The following SDK2 variants were observed in gnomAD, a reference collection of about 807,000 sequenced individuals.
SDK2 encodes the protein protein sidekick-2.
A neutral mutation model predicts 253.9 loss-of-function variants in SDK2; 105 were observed. The ratio of observed to expected loss-of-function variants is 0.41; its 90% confidence interval spans 0.35 to 0.49. The LOEUF is 0.49. Among genes scored for constraint, SDK2 ranks in the 20% least tolerant of loss-of-function variants. The pLI, the probability that SDK2 is intolerant of heterozygous loss-of-function variation, is 0.06. For missense variants in SDK2, 2,608 were observed against 3,003.0 expected (o/e 0.87, Z 3.07); for synonymous variants, 1,249 against 1,234.9 (o/e 1.01, Z -0.24).
At chr17:73,444,102 C>A (rs1263581752) in intron 5 of SDK2, among the ~76,000 whole-genome samples, 1 of 152,200 alleles carries the variant, frequency 6.6e-6, no homozygotes, top group Admixed American at 6.5e-5. Context: ...CAATAAATGA[C>A]AGCCTCCCCT....
At chr17:73,452,138 C>T (rs77720099) in intron 4 of SDK2, among the ~76,000 whole-genome samples, 88 of 152,244 alleles carry the variant, frequency 5.8e-4, no homozygotes, top group African/African-American at 2.0e-3. Flanking sequence ...GTCCAAAGCC[C>T]CCAGCATGCA....
intron 38 of SDK2, among the ~76,000 whole-genome samples, chr17:73,362,128 C>T (rs1014004041): frequency 1.3e-5 from 2 of 152,144 alleles, no homozygotes; most frequent in African/African-American, 2.4e-5. Flanking sequence ...GCCACAGGGT[C>T]CATCATCAGC....
intron 1 of SDK2, among the ~76,000 whole-genome samples, chr17:73,624,626 T>A (rs903357277): frequency 6.6e-6 from 1 of 152,236 alleles, no homozygotes; most frequent in African/African-American, 2.4e-5. Flanking sequence ...CTGGGGAATC[T>A]TAAAATGCAG....
At chr17:73,583,463 T>C (rs1418780032) in intron 1 of SDK2, among the ~76,000 whole-genome samples, 1 of 152,110 alleles carries the variant, frequency 6.6e-6, no homozygotes, top group African/African-American at 2.4e-5. Context: ...ATCCCATCTC[T>C]ATTCTAAGGC....
At position 73,352,661 on chromosome 17, in the gene SDK2, C is replaced by G. The variant is rs2062549744; in HGVS notation, c.5594-24G>C. On this transcript the variant is annotated intron_variant, in intron 40 of 44. Transcript: ENST00000392650. This position sits in a 1 kb window ranked among gnomAD's most constrained non-coding sequence, Gnocchi z 4.1. ...GTCTGCAGGAGCACAGAGATGGAGG[C>G]CCTGGGAGGTGAGGGGAAGCCCCAA... is the stretch of plus-strand genomic sequence containing the variant. The G allele has an allele frequency of 1.2e-6, 2 of 1,610,660 alleles. No individual in the cohort carries two copies. The highest frequency in any genetic ancestry group is 1.3e-5 in the African/African-American group (1 of 74,874).
intron 38 of SDK2, among the ~76,000 whole-genome samples, chr17:73,363,753 T>G (rs1736269643): frequency 1.3e-5 from 2 of 152,110 alleles, no homozygotes; most frequent in Admixed American, 6.5e-5. Context: ...CATCCTCAAG[T>G]TGAGAGGGTC....
chr17:73,502,775 G>A (rs1382160041), intron 2 of SDK2, among the ~76,000 whole-genome samples: 3 of 152,238 alleles, frequency 2.0e-5, no homozygotes, highest in Non-Finnish European at 2.9e-5. Context: ...CTGGGTGGGA[G>A]AGTCGTGGGA....
chr17:73,536,919 C>T (rs182738784), intron 1 of SDK2, among the ~76,000 whole-genome samples: 64 of 152,310 alleles, frequency 4.2e-4, no homozygotes, highest in African/African-American at 1.4e-3. Context: ...ATCTCTGTCC[C>T]TGCACTTTAC....
intron 1 of SDK2, among the ~76,000 whole-genome samples, chr17:73,559,598 G>GGCCC (rs2045197420): frequency 3.3e-5 from 4 of 122,176 alleles, no homozygotes; most frequent in East Asian, 2.2e-4. Flanking sequence ...CGCTCCCTGT[G>GGCCC]CCCCCCGCCC....
At chr17:73,378,581 G>A (rs1008134392) in intron 36 of SDK2, among the ~76,000 whole-genome samples, 17 of 151,754 alleles carry the variant, frequency 1.1e-4, no homozygotes, top group African/African-American at 3.9e-4. Flanking sequence ...CACCATGCCC[G>A]GCTAATTTTT....
intron 1 of SDK2, among the ~76,000 whole-genome samples, chr17:73,552,312 T>C (rs2045074036): frequency 6.6e-6 from 1 of 152,272 alleles, no homozygotes; most frequent in African/African-American, 2.4e-5. Flanking sequence ...AATTGTCTTA[T>C]TCATAAAATG....
intron 1 of SDK2, among the ~76,000 whole-genome samples, chr17:73,638,736 G>C (rs1405986419): frequency 6.6e-6 from 1 of 151,878 alleles, no homozygotes; most frequent in African/African-American, 2.4e-5. Context: ...CATTTACAAA[G>C]GGCATTTTCA....
chr17:73,395,210 G>A lies in SDK2; in HGVS notation c.3537C>T (p.Asn1179=), dbSNP rs759586319. 131 of 1,611,968 alleles carry A rather than the reference G, an allele frequency of 8.1e-5. No homozygotes were observed. In the Middle Eastern group the frequency reaches 2.5e-3, roughly 31 times the overall value. ...TEYRVQVQAF[N]AIGSGPWSQT... ...GGCTCCAGGGCCCGCTCCCGATGGC[G>A]TTGAAGGCCTGGACCTGGACGCGGT... The change falls in exon 25 of 45, where the codon AAC becomes AAT. Residue 1179 remains asparagine (N), a synonymous_variant. Transcript: ENST00000392650. This position sits in a 1 kb window ranked among gnomAD's most constrained non-coding sequence, Gnocchi z 4.3.
At chr17:73,399,053 C>G (rs1302121259) in intron 22 of SDK2, 115 bp downstream of exon 22, 1 of 989,066 alleles carries the variant, frequency 1.0e-6, no homozygotes, top group African/African-American at 1.6e-5. Flanking sequence ...GTATAATGGG[C>G]CATTGAGAGC....
In SDK2 at chr17:73,435,691, C is replaced by G. The variant is rs577510214; in HGVS notation, c.1001-47G>C. The G allele has an allele frequency of 2.0e-6, 3 of 1,487,030 alleles. No homozygotes were observed. Among genetic ancestry groups the G allele is most frequent in the Non-Finnish European group, 2.7e-6 (3 of 1,108,414 alleles). 92.1% of individuals were successfully genotyped at this position (1,487,030 alleles called of 1,614,324 possible). A position where few individuals can be genotyped will look rare whatever the true frequency, so the allele number is the denominator to read the frequency against. On this transcript the variant is annotated intron_variant, in intron 8 of 44. Coordinates refer to ENST00000392650, the MANE Select transcript of SDK2 (RefSeq NM_001144952.2). The surrounding 1 kb of genome is among the most constrained non-coding windows in gnomAD (Gnocchi z 5.7). ...ACCGTCAACCTGCCTCCTGCCTCCT[C>G]TCCGCCTAGGAGGGGTGCTTGGGAG...
In SDK2 at chr17:73,365,405, AC is replaced by A; in HGVS notation, c.5168-11del. 1 of 1,598,310 alleles carries A rather than the reference AC, an allele frequency of 6.3e-7. No individual in the cohort carries two copies. Among genetic ancestry groups the A allele is most frequent in the Non-Finnish European group, 8.5e-7 (1 of 1,173,690 alleles). ...CTGGGAGCGCTGGGGGCTGCGGGAG[AC>A]AGCAAAGGGTTTTTGTTTCCTTCTT... is the stretch of plus-strand genomic sequence containing the variant. On this transcript the variant is annotated splice_polypyrimidine_tract_variant and intron_variant, in intron 37 of 44. Transcript: ENST00000392650.
intron 12 of SDK2, among the ~76,000 whole-genome samples, chr17:73,430,281 C>T (rs1195418674): frequency 6.6e-6 from 1 of 152,196 alleles, no homozygotes; most frequent in Non-Finnish European, 1.5e-5. Flanking sequence ...TTCCTCTTTT[C>T]CTCCCACCTT....
chr17:73,393,472 G>A, intron 27 of SDK2, 88 bp downstream of exon 27: 3 of 1,263,144 alleles, frequency 2.4e-6, no homozygotes, highest in Non-Finnish European at 3.2e-6. Flanking sequence ...GTGGGGCAGA[G>A]CCTGACCCCA....
chr17:73,385,437 A>G (rs2062864396), intron 32 of SDK2, among the ~76,000 whole-genome samples: 2 of 152,150 alleles, frequency 1.3e-5, no homozygotes, highest in South Asian at 4.1e-4. Flanking sequence ...GTGGGGCTTC[A>G]TGGAGACTCT....
Sources: gnomAD v4.1 joint callset for allele counts (sites outside exome capture counted in the v4.1 genomes callset) on GRCh38, gnomAD v4.1.1 for gene constraint, Gnocchi (gnomAD v3.1) non-coding constraint, MANE v1.5 for transcripts, NCBI Gene and HGNC (gene_info 2026-07-23, HGNC 2026-07-21) for gene names.